The following CSTL1 variants were observed in gnomAD, a reference collection of about 807,000 sequenced individuals.
CSTL1 encodes cystatin like 1.
In CSTL1, 14 loss-of-function variants were observed where a neutral mutation model predicts 14.4. The observed-to-expected ratio is 0.97, with a 90% CI of 0.64 to 1.52. The LOEUF is 1.52. Among genes scored for constraint, CSTL1 ranks in the 40% most tolerant of loss-of-function variants. CSTL1 has a pLI of 0.00. For synonymous variants in CSTL1, 72 were observed against 67.5 expected, an observed-to-expected ratio of 1.07 and a Z score of -0.33; for missense variants, 170 against 168.7, an observed-to-expected ratio of 1.01 and a Z score of -0.04.
rs920464666 is a variant in CSTL1 at position 23,440,541 on chromosome 20, C to G, written c.219+55C>G. ...CAGGCCCTGTTCTTGCCAGTTCAGA[C>G]ATGTGAGGATTCTGGGGTAGCTCCC... is the stretch of plus-strand genomic sequence containing the variant. On this transcript the variant is annotated intron_variant, in intron 2 of 3. Coordinates refer to ENST00000347397, the MANE Select transcript of CSTL1 (RefSeq NM_138283.1). The G allele has an allele frequency of 1.6e-5, 21 of 1,349,468 alleles. No individual in the cohort carries two copies. The Admixed American group carries it at 3.5e-4, about 23-fold the overall frequency. The allele number at this position is 1,349,468 out of a possible 1,614,324, so 83.6% of individuals were successfully genotyped here. A position where few individuals can be genotyped will look rare whatever the true frequency, so the allele number is the denominator to read the frequency against.
the CSTL1 span, chr20:23,450,692 T>A: frequency 1.5e-6 from 1 of 681,766 alleles, no homozygotes; most frequent in Non-Finnish European, 2.4e-6. Flanking sequence ...GGCTACCACC[T>A]CTCCACCCCT....
At chr20:23,448,214 T>C (rs1987005301), downstream of CSTL1, among the ~76,000 whole-genome samples, 1 of 152,240 alleles carries the variant, frequency 6.6e-6, no homozygotes, top group South Asian at 2.1e-4. Context: ...CTATTCTTTT[T>C]ATAATGTTTT....
At chr20:23,443,785 A>T in intron 2 of CSTL1, 149 bp from the exon 3 acceptor site, 1 of 606,426 alleles carries the variant, frequency 1.6e-6, no homozygotes, top group Non-Finnish European at 2.9e-6. Context: ...GCCAGAAGTA[A>T]GGAGAAGGGA....
the CSTL1 span, among the ~76,000 whole-genome samples, chr20:23,453,008 G>A: frequency 6.6e-6 from 1 of 152,090 alleles, no homozygotes; most frequent in Non-Finnish European, 1.5e-5. Context: ...AATGGTTTTT[G>A]CATAAGTTCA....
the CSTL1 span, chr20:23,450,674 G>A: frequency 3.1e-6 from 3 of 955,290 alleles, no homozygotes; most frequent in Non-Finnish European, 4.7e-6. Context: ...ACACGAAGAT[G>A]GAGAAAAGGC....
chr20:23,445,137 CCTA>C (rs1986940355), downstream of CSTL1, among the ~76,000 whole-genome samples: 1 of 152,106 alleles, frequency 6.6e-6, no homozygotes, highest in South Asian at 2.1e-4. Flanking sequence ...CCCACTCACT[CCTA>C]CATGTCAAGC....
At chr20:23,449,671 G>A (rs1025768345), downstream of CSTL1, among the ~76,000 whole-genome samples, 4 of 152,150 alleles carry the variant, frequency 2.6e-5, no homozygotes, top group Non-Finnish European at 4.4e-5. Flanking sequence ...GCTTCCTCCC[G>A]TGGCTGCTGT....
chr20:23,445,057 C>T (rs1050853188), downstream of CSTL1: 1 of 639,638 alleles, frequency 1.6e-6, no homozygotes, highest in African/African-American at 1.8e-5. Flanking sequence ...CTCACGACAC[C>T]CTCACACTCT....
At chr20:23,451,821 G>A in the CSTL1 span, 39 of 1,613,308 alleles carry the variant, frequency 2.4e-5, no homozygotes, top group Non-Finnish European at 3.1e-5. Flanking sequence ...AATACCTTGT[G>A]AAGCTCCCTT....
intron 2 of CSTL1, 33 bp from the exon 3 acceptor site, chr20:23,443,901 G>A (rs773325743): frequency 6.5e-7 from 1 of 1,538,188 alleles, no homozygotes; most frequent in Non-Finnish European, 9.0e-7. Flanking sequence ...GATGCTTGGA[G>A]TCCACACTAA....
At chr20:23,440,632 C>T (rs1361569617) in intron 2 of CSTL1, 146 bp downstream of exon 2, 1 of 739,458 alleles carries the variant, frequency 1.4e-6, no homozygotes, top group Non-Finnish European at 2.5e-6. Context: ...GTAGCAGGTA[C>T]ATTGTAGAGT....
chr20:23,450,579 C>A, the CSTL1 span: 2 of 1,607,164 alleles, frequency 1.2e-6, no homozygotes, highest in Non-Finnish European at 1.7e-6. Context: ...TGAGAAGAAG[C>A]AGTTGACTTG....
downstream of CSTL1, among the ~76,000 whole-genome samples, chr20:23,449,360 TCC>T (rs1370769914): frequency 2.6e-5 from 4 of 152,268 alleles, no homozygotes; most frequent in East Asian, 7.7e-4. Flanking sequence ...CAACTCCCTC[TCC>T]CCGCAGGGAA....
chr20:23,451,075 C>T, the CSTL1 span, among the ~76,000 whole-genome samples: 4 of 152,162 alleles, frequency 2.6e-5, no homozygotes, highest in Non-Finnish European at 5.9e-5. Flanking sequence ...ACCCATTCAT[C>T]CATCCTTCCA....
rs1986792957 is a variant in CSTL1, at chr20:23,440,218, A to G, written c.-50A>G. On this transcript the variant is annotated 5_prime_UTR_variant, in exon 2 of 4. Transcript: ENST00000347397. ...AATGAGTGAACTGCAGCCTGGCACC[A>G]CCACACCCTGGAAGGTGCAGTTGGG... The G allele has an allele frequency of 1.9e-6, 3 of 1,593,670 alleles. No homozygotes were observed. Among genetic ancestry groups the G allele is most frequent in the East Asian group, 2.2e-5 (1 of 44,688 alleles).
chr20:23,446,009 A>C (rs1986958380), downstream of CSTL1, among the ~76,000 whole-genome samples: 3 of 152,218 alleles, frequency 2.0e-5, no homozygotes, highest in South Asian at 6.2e-4. Context: ...GCTCCTTAAG[A>C]CCCAGCAGCC....
chr20:23,440,756 CTTTTTTT>C (rs11346588), intron 2 of CSTL1: 2 of 360,784 alleles, frequency 5.5e-6, no homozygotes, highest in Non-Finnish European at 1.0e-5. Context: ...GGATTAAACT[CTTTTTTT>C]TTTTTTTTTT....
the CSTL1 span, chr20:23,452,906 G>A: frequency 1.1e-6 from 1 of 948,060 alleles, no homozygotes; most frequent in Non-Finnish European, 1.6e-6. Flanking sequence ...GGATTTAAGA[G>A]CAGCTGGTGG....
At chr20:23,448,020 CTT>C (rs779840381), downstream of CSTL1, among the ~76,000 whole-genome samples, 27 of 151,716 alleles carry the variant, frequency 1.8e-4, no homozygotes, top group Non-Finnish European at 3.4e-4. Context: ...AGAGTCATCT[CTT>C]ATTATTATTA....
Sources: allele counts gnomAD v4.1 joint callset (sites outside exome capture counted in the v4.1 genomes callset), GRCh38; gene constraint gnomAD v4.1.1; transcripts MANE v1.5; gene names NCBI Gene and HGNC (gene_info 2026-07-23, HGNC 2026-07-21).